SLC5A10: variants seen among roughly 807,000 people sequenced by gnomAD.
The protein encoded by SLC5A10 is sodium/mannose cotransporter SLC5A10.
SLC5A10 carries 55 observed loss-of-function variants against 68.9 expected under a neutral mutation model. The observed-to-expected ratio is 0.80, with a 90% CI of 0.64 to 1.00. SLC5A10 has a LOEUF of 1.00. SLC5A10 is among the 50% of genes least tolerant of loss of function. The pLI, the probability that SLC5A10 is intolerant of heterozygous loss-of-function variation, is 0.00. For missense variants in SLC5A10, 732 were observed against 819.3 expected (o/e 0.89, Z 1.30); for synonymous variants, 344 against 344.8 (o/e 1.00, Z 0.02).
chr17:18,961,822 A>T (rs1447240692), intron 5 of SLC5A10, among the ~76,000 whole-genome samples: 1 of 152,152 alleles, frequency 6.6e-6, no homozygotes, highest in Non-Finnish European at 1.5e-5. Context: ...CGGCAGCCTC[A>T]GCCTGGCCTC....
chr17:18,989,389 C>T (rs1470585062), intron 9 of SLC5A10, among the ~76,000 whole-genome samples: 1 of 152,224 alleles, frequency 6.6e-6, no homozygotes, highest in Admixed American at 6.5e-5. Flanking sequence ...CTGCACGCCC[C>T]AAAGTGAGCT....
intron 9 of SLC5A10, among the ~76,000 whole-genome samples, chr17:18,994,561 G>A (rs2043515915): frequency 6.6e-6 from 1 of 152,152 alleles, no homozygotes; most frequent in Non-Finnish European, 1.5e-5. Context: ...GAAAGGGGAG[G>A]CTGAGCAGAG....
rs773540194 is a variant in SLC5A10, at chr17:19,015,188, G to A, written c.1230G>A (p.Leu410=). 16 of 1,611,070 alleles carry A rather than the reference G, an allele frequency of 9.9e-6. No individual in the cohort carries two copies. Among genetic ancestry groups the A allele is most frequent in the Non-Finnish European group, 2.5e-6 (3 of 1,178,780 alleles). Reference sequence around the variant, plus strand: ...CCCGCTCCGGCGAGCGGGAGCTCCTGCTGGTGGGACGGTACGGGGGTGGGG... The same window carrying A: ...CCCGCTCCGGCGAGCGGGAGCTCCTACTGGTGGGACGGTACGGGGGTGGGG... The part of the protein sequence containing the change: ...LRPRSGEREL[L]LVGRLVIVAL... Residue 410 remains leucine (L), a synonymous_variant, in exon 11 of 15, where the codon CTG becomes CTA. Transcript: ENST00000395645.
intron 9 of SLC5A10, among the ~76,000 whole-genome samples, chr17:18,998,175 G>A (rs73981281): frequency 0.052 from 7,986 of 152,308 alleles, 312 homozygotes; most frequent in East Asian, 0.14. Context: ...TGCCAGGCTG[G>A]GGCCAACGTG....
At chr17:18,978,157 G>C (rs370625651) in intron 9 of SLC5A10, 1 of 1,530,242 alleles carries the variant, frequency 6.5e-7, no homozygotes, top group Non-Finnish European at 8.8e-7. Context: ...GCTTGGGCAC[G>C]GGGGGCAATG....
intron 9 of SLC5A10, among the ~76,000 whole-genome samples, chr17:18,990,629 T>C (rs1031595200): frequency 1.3e-5 from 2 of 152,204 alleles, no homozygotes; most frequent in Non-Finnish European, 2.9e-5. Context: ...GCAGGGTGCC[T>C]GATCCAGGGA....
In SLC5A10 at chr17:19,003,757, G is replaced by A; in HGVS notation, c.983-9653G>A. Reference sequence around the variant, plus strand: ...CCCCGCTGGCTTCCTCGCCGTCGCCGACCCCATTGTCCTCGGGCCCCTGAG... The same window carrying A: ...CCCCGCTGGCTTCCTCGCCGTCGCCAACCCCATTGTCCTCGGGCCCCTGAG... On this transcript the variant is annotated intron_variant, in intron 9 of 14. Transcript: ENST00000395645. This position sits in a 1 kb window ranked among gnomAD's most constrained non-coding sequence, Gnocchi z 4.5. 1 of 1,606,412 alleles carries A rather than the reference G, an allele frequency of 6.2e-7. No individual in the cohort carries two copies. Among genetic ancestry groups the A allele is most frequent in the Admixed American group, 1.7e-5 (1 of 58,970 alleles).
intron 9 of SLC5A10, among the ~76,000 whole-genome samples, chr17:18,995,317 GA>G (rs1311922635): frequency 1.1e-4 from 16 of 152,140 alleles, no homozygotes; most frequent in African/African-American, 3.4e-4. Flanking sequence ...CGAAATTCAA[GA>G]GGTGAAAATG....
intron 9 of SLC5A10, among the ~76,000 whole-genome samples, chr17:19,008,106 C>G (rs747625405): frequency 7.2e-5 from 11 of 152,172 alleles, no homozygotes; most frequent in Non-Finnish European, 1.6e-4. Context: ...AGATCTGTAG[C>G]AAGTTATCTC....
chr17:19,019,386 C>A, intron 11 of SLC5A10, 37 bp from the exon 12 acceptor site: 1 of 1,588,506 alleles, frequency 6.3e-7, no homozygotes, highest in Non-Finnish European at 8.5e-7. Context: ...GAAGAGCCTC[C>A]CACGACGACC....
chr17:18,997,671 C>T (rs2043601745), intron 9 of SLC5A10, among the ~76,000 whole-genome samples: 1 of 152,176 alleles, frequency 6.6e-6, no homozygotes, highest in Admixed American at 6.5e-5. Flanking sequence ...GGCTTCTAGG[C>T]CACCTGGTGC....
At chr17:18,990,591 C>T (rs942890638) in intron 9 of SLC5A10, among the ~76,000 whole-genome samples, 34 of 151,952 alleles carry the variant, frequency 2.2e-4, no homozygotes, top group Admixed American at 6.5e-5. Context: ...GCACCATGTG[C>T]GCCACTCCCC....
At chr17:18,969,262 C>T in intron 6 of SLC5A10, 80 bp from the exon 7 acceptor site, 1 of 1,575,858 alleles carries the variant, frequency 6.3e-7, no homozygotes, top group Non-Finnish European at 8.7e-7. Context: ...GTGGCCCCAG[C>T]AGGAGCCCCA....
intron 8 of SLC5A10, among the ~76,000 whole-genome samples, chr17:18,972,692 C>T (rs1049442139): frequency 6.6e-6 from 1 of 152,094 alleles, no homozygotes; most frequent in Admixed American, 6.5e-5. Context: ...GAAACCCCGT[C>T]TCTACTAAAA....
At chr17:19,019,979 G>A (rs2044230005) in intron 13 of SLC5A10, 51 bp downstream of exon 13, 1 of 1,527,610 alleles carries the variant, frequency 6.5e-7, no homozygotes, top group Non-Finnish European at 8.9e-7. Flanking sequence ...TCTTACTCTG[G>A]TCCCATTCTC....
chr17:18,971,296 C>T lies in SLC5A10; in HGVS notation c.846+78C>T. 2 of 1,608,658 alleles carry T rather than the reference C, an allele frequency of 1.2e-6. No homozygotes were observed. The highest frequency in any genetic ancestry group is 2.2e-5 in the South Asian group (2 of 90,786). On this transcript the variant is annotated intron_variant, in intron 8 of 14. Coordinates refer to ENST00000395645, the MANE Select transcript of SLC5A10 (RefSeq NM_001042450.4). This position sits in a 1 kb window ranked among gnomAD's most constrained non-coding sequence, Gnocchi z 5.5. ...CTGGTAGGCCCAGGCGGCCTGTCTG[C>T]CCTCCGCGTCATGAGTCTGGGCTGG...
intron 5 of SLC5A10, among the ~76,000 whole-genome samples, chr17:18,961,641 G>C (rs1188960655): frequency 1.3e-5 from 2 of 152,208 alleles, no homozygotes; most frequent in African/African-American, 4.8e-5. Flanking sequence ...TTAGTGAAGG[G>C]AATGGAGGTG....
Position 19,022,171 on chromosome 17 carries a change from G to C in SLC5A10, c.*1740G>C. The C allele has an allele frequency of 2.2e-6, 3 of 1,346,334 alleles. No homozygotes were observed. In the Admixed American group the frequency reaches 9.6e-5, roughly 43 times the overall value. 83.4% of individuals were successfully genotyped at this position (1,346,334 alleles called of 1,614,324 possible). ...TGCAAGAAGAGGAGGTGGTTAGTAG[G>C]GTGCCTTCAGAAGCCCTGCAACCCA... On this transcript the variant is annotated 3_prime_UTR_variant, in exon 15 of 15. Transcript: ENST00000395645.
At chr17:18,986,700 T>C (rs899255153) in intron 9 of SLC5A10, among the ~76,000 whole-genome samples, 14 of 152,162 alleles carry the variant, frequency 9.2e-5, no homozygotes, top group African/African-American at 3.4e-4. Context: ...CAGGTTAGGG[T>C]CCCTGCTCCA....
Sources: allele counts gnomAD v4.1 joint callset (sites outside exome capture counted in the v4.1 genomes callset), GRCh38; gene constraint gnomAD v4.1.1; non-coding constraint Gnocchi (gnomAD v3.1); transcripts MANE v1.5; gene names NCBI Gene and HGNC (gene_info 2026-07-23, HGNC 2026-07-21).